Variants in MCF2L observed in about 807,000 individuals in gnomAD.
MCF2L encodes the protein guanine nucleotide exchange factor DBS.
MCF2L carries 97 observed loss-of-function variants against 153.4 expected under a neutral mutation model. That is an observed-to-expected ratio of 0.63 (90% confidence interval 0.54 to 0.75). The LOEUF (loss-of-function observed/expected upper bound fraction) is 0.75, where lower values mean the gene tolerates loss of function less well. Among genes scored for constraint, MCF2L ranks in the 30% least tolerant of loss-of-function variants. MCF2L has a pLI of 0.00. For missense variants in MCF2L, 1,347 were observed against 1,495.2 expected, an observed-to-expected ratio of 0.90 and a Z score of 1.64; for synonymous variants, 659 against 632.2, an observed-to-expected ratio of 1.04 and a Z score of -0.64.
At chr13:113,018,051 T>G (rs1225736325) in intron 2 of MCF2L, among the ~76,000 whole-genome samples, 1 of 152,174 alleles carries the variant, frequency 6.6e-6, no homozygotes, top group Non-Finnish European at 1.5e-5. Flanking sequence ...TGCGGTCCCG[T>G]CTTCTCCCTC....
chr13:112,905,987 G>A (rs2081168953), intron 2 of MCF2L, among the ~76,000 whole-genome samples: 1 of 152,274 alleles, frequency 6.6e-6, no homozygotes, highest in East Asian at 1.9e-4. Context: ...TTTTCCTGCT[G>A]GGCGATGAAC....
At chr13:112,968,675 G>A (rs1042921045), upstream of MCF2L, 3 of 1,490,318 alleles carry the variant, frequency 2.0e-6, no homozygotes, top group East Asian at 2.6e-5. Flanking sequence ...GGGCTGCTGC[G>A]GCCTCTGCAG....
intron 3 of MCF2L, among the ~76,000 whole-genome samples, chr13:113,030,603 C>T (rs183738932): frequency 6.6e-6 from 1 of 151,972 alleles, no homozygotes; most frequent in African/African-American, 2.4e-5. Context: ...TCTCAGGTGT[C>T]CGCTGATGCA....
At chr13:112,919,586 T>A (rs2081333218) in intron 2 of MCF2L, among the ~76,000 whole-genome samples, 1 of 151,402 alleles carries the variant, frequency 6.6e-6, no homozygotes, top group South Asian at 2.1e-4. Flanking sequence ...TAAAAAAAAA[T>A]GCCTAGAAAC....
At position 112,902,415 on chromosome 13, in the gene MCF2L, ACTG is replaced by A. The variant is rs775718265; in HGVS notation, c.169+48_169+50del. On this transcript the variant is annotated intron_variant, in intron 2 of 29. Coordinates refer to the MCF2L transcript ENST00000375608. ...GGCCTCATTTGATTTTGCAGGTCTC[ACTG>A]CTGATCAGACCTGTGCTGTTCTTTG... 3.8e-6 allele frequency: 6 copies of A among 1,588,518 alleles called. No individual in the cohort carries two copies. In the South Asian group the frequency reaches 6.8e-5, roughly 18 times the overall value.
At chr13:112,901,185 A>G (rs2081116392) in intron 1 of MCF2L, among the ~76,000 whole-genome samples, 1 of 151,950 alleles carries the variant, frequency 6.6e-6, no homozygotes, top group Non-Finnish European at 1.5e-5. Context: ...ACGGAGTTTC[A>G]CTGTTGTGCC....
chr13:113,075,990 A>T lies in MCF2L; in HGVS notation c.1333A>T (p.Ile445Phe). ...ETSMKWCDEG[I>F]YLLASQPVDK... ...GTCCATGAAGTGGTGTGATGAAGGG[A>T]TTTACCTGCTGGCCTCACAACCTGT... Residue 445 changes from isoleucine to phenylalanine, a missense_variant, in exon 12 of 30, where the codon ATT becomes TTT. Coordinates refer to ENST00000535094, the MANE Select transcript of MCF2L (RefSeq NM_001112732.3). The T allele has an allele frequency of 1.2e-6, 2 of 1,611,860 alleles. No homozygotes were observed. The highest frequency in any genetic ancestry group is 1.7e-6 in the Non-Finnish European group (2 of 1,179,190).
Position 113,098,197 on chromosome 13 carries a change from G to T in MCF2L, c.*1338G>T, listed in dbSNP as rs11553144. The T allele has an allele frequency of 2.0e-5, 3 of 152,540 alleles. No homozygotes were observed. Among genetic ancestry groups the T allele is most frequent in the African/African-American group, 7.2e-5 (3 of 41,454 alleles). The allele number at this position is 152,540 out of a possible 1,614,324, so 9.4% of individuals were successfully genotyped here. ...CCCCAGCACAGTGGAGGCAGGCGTGGCTGCATTCCCCTCACGCTACCCTCC... is the reference window on the plus strand; with the variant it reads ...CCCCAGCACAGTGGAGGCAGGCGTGTCTGCATTCCCCTCACGCTACCCTCC... On this transcript the variant is annotated 3_prime_UTR_variant, in exon 30 of 30. Transcript: ENST00000535094.
chr13:113,013,016 C>G (rs928570502), intron 1 of MCF2L, among the ~76,000 whole-genome samples: 1 of 152,094 alleles, frequency 6.6e-6, no homozygotes, highest in Non-Finnish European at 1.5e-5. Context: ...GGTGCCCCCA[C>G]GGTCTGTGAG....
chr13:113,084,463 G>T lies in MCF2L; in HGVS notation c.2061+396G>T, dbSNP rs189269632. 5.7e-5 allele frequency: 18 copies of T among 315,192 alleles called. No homozygotes were observed. The East Asian group carries it at 1.1e-3, about 19-fold the overall frequency. 19.5% of individuals were successfully genotyped at this position (315,192 alleles called of 1,614,324 possible). On this transcript the variant is annotated intron_variant, in intron 18 of 29. Coordinates refer to ENST00000535094, the MANE Select transcript of MCF2L (RefSeq NM_001112732.3). Reference sequence around the variant, plus strand: ...CCCTAGAACCATCTGTGCCCTAGAGGCACCCAGGAGCAATTGCACTTCACA... The same window carrying T: ...CCCTAGAACCATCTGTGCCCTAGAGTCACCCAGGAGCAATTGCACTTCACA...
At chr13:112,925,289 G>A (rs186913254) in intron 2 of MCF2L, among the ~76,000 whole-genome samples, 53 of 152,276 alleles carry the variant, frequency 3.5e-4, no homozygotes, top group Admixed American at 2.2e-3. Context: ...CACATTTCCT[G>A]GTGGGAAGGC....
At chr13:113,006,984 G>A (rs948713926) in intron 1 of MCF2L, among the ~76,000 whole-genome samples, 3 of 152,190 alleles carry the variant, frequency 2.0e-5, no homozygotes, top group African/African-American at 7.2e-5. Flanking sequence ...GGGTGGCAGG[G>A]TCAGGGTCTC....
At chr13:112,968,470 G>A (rs1594401362), upstream of MCF2L, 3 of 1,589,512 alleles carry the variant, frequency 1.9e-6, no homozygotes, top group Non-Finnish European at 2.6e-6. Context: ...CAACCATGGC[G>A]AGGGTGGAGA....
At chr13:113,050,375 A>C (rs1347419876) in intron 4 of MCF2L, among the ~76,000 whole-genome samples, 5 of 151,700 alleles carry the variant, frequency 3.3e-5, no homozygotes, top group Non-Finnish European at 1.5e-5. Flanking sequence ...GTTTAGAGCT[A>C]GCCTAAATCA....
intron 15 of MCF2L, among the ~76,000 whole-genome samples, chr13:113,079,744 ATT>A (rs2033891110): frequency 6.6e-6 from 1 of 151,846 alleles, no homozygotes; most frequent in African/African-American, 2.4e-5. Flanking sequence ...CAGGCAGAGG[ATT>A]GTCCACACGG....
intron 3 of MCF2L, among the ~76,000 whole-genome samples, chr13:113,033,547 C>T (rs950928510): frequency 4.6e-5 from 7 of 152,172 alleles, no homozygotes; most frequent in African/African-American, 1.7e-4. Context: ...GGGGTCACTG[C>T]TGTAAAGGGT....
chr13:113,030,404 TGTGGGCCCTCGGG>T, intron 3 of MCF2L, among the ~76,000 whole-genome samples: 1 of 144,198 alleles, frequency 6.9e-6, no homozygotes. Flanking sequence ...CCGACGCAGA[TGTGGGCCCTCGGG>T]TGTCCGCCGA....
intron 2 of MCF2L, among the ~76,000 whole-genome samples, chr13:112,950,233 G>T (rs1301030788): frequency 1.3e-5 from 2 of 152,120 alleles, no homozygotes; most frequent in African/African-American, 2.4e-5. Context: ...GCTGATGAGA[G>T]AAATCAAGGA....
At chr13:113,084,811 C>CGGTGCCCGTCCCTCACCGT (rs2034477952) in intron 18 of MCF2L, 81 bp from the exon 19 acceptor site, 4 of 1,042,674 alleles carry the variant, frequency 3.8e-6, no homozygotes, top group Admixed American at 3.5e-5. Context: ...TCCCTCACCG[C>CGGTGCCCGTCCCTCACCGT]GTAATGCGGT....
Sources: gnomAD v4.1 joint callset for allele counts (sites outside exome capture counted in the v4.1 genomes callset) on GRCh38, gnomAD v4.1.1 for gene constraint, MANE v1.5 for transcripts, NCBI Gene and HGNC (gene_info 2026-07-23, HGNC 2026-07-21) for gene names.